Variants in TCTN1 observed in about 807,000 individuals in gnomAD.
TCTN1 encodes the protein tectonic-1.
A neutral mutation model predicts 65.8 loss-of-function variants in TCTN1; 58 were observed. The ratio of observed to expected loss-of-function variants is 0.88; its 90% CI spans 0.71 to 1.10. TCTN1 has a LOEUF of 1.10. TCTN1 is among the 50% of genes least tolerant of loss of function. TCTN1 has a pLI of 0.00. For missense variants in TCTN1, 645 were observed against 719.4 expected (o/e 0.90, Z 1.18); for synonymous variants, 273 against 289.1 (o/e 0.94, Z 0.57).
At chr12:110,628,270 C>A in intron 3 of TCTN1, 1 of 1,528,258 alleles carries the variant, frequency 6.5e-7, no homozygotes, top group Non-Finnish European at 8.8e-7. Context: ...AAGAAGCAGG[C>A]TGAGTCTGGA....
chr12:110,618,407 G>A (rs1371207215), intron 1 of TCTN1, among the ~76,000 whole-genome samples: 3 of 152,024 alleles, frequency 2.0e-5, no homozygotes, highest in Non-Finnish European at 2.9e-5. Context: ...CACCCAGCTA[G>A]TTTTTATATT....
chr12:110,616,494 C>T (rs1326261446), intron 1 of TCTN1: 2 of 235,266 alleles, frequency 8.5e-6, no homozygotes, highest in Non-Finnish European at 1.8e-5. Flanking sequence ...TGATTGCCCA[C>T]CTAGGCCTCC....
In TCTN1 at chr12:110,647,194, A is replaced by G. The variant is rs1475200635; in HGVS notation, c.1495-2A>G. On this transcript the variant is annotated splice_acceptor_variant, in intron 12 of 14. Coordinates refer to ENST00000397659, the MANE Select transcript of TCTN1 (RefSeq NM_001082538.3). LOFTEE classifies it high-confidence loss of function. The stretch of plus-strand genomic sequence containing the variant: ...TTTTGTAAGATTCTAATGGATTAAC[A>G]GCATTTTGTTTTGCAGGATTCCTGC... 8 of 1,614,086 alleles carry G rather than the reference A, an allele frequency of 5.0e-6. No individual in the cohort carries two copies. In the African/African-American group the frequency reaches 6.7e-5, roughly 13 times the overall value.
At chr12:110,629,444 A>T (rs1272405309) in intron 4 of TCTN1, 1 of 152,958 alleles carries the variant, frequency 6.5e-6, no homozygotes, top group African/African-American at 2.4e-5. Flanking sequence ...ATATGAATAG[A>T]CACTTTTCAA....
At chr12:110,625,969 G>A in intron 2 of TCTN1, 1 of 173,356 alleles carries the variant, frequency 5.8e-6, no homozygotes, top group Non-Finnish European at 1.2e-5. Flanking sequence ...GGCCAGGCTG[G>A]TCCCCATCTC....
intron 1 of TCTN1, among the ~76,000 whole-genome samples, chr12:110,618,309 C>T (rs780259501): frequency 6.6e-6 from 1 of 151,908 alleles, no homozygotes; most frequent in Non-Finnish European, 1.5e-5. Context: ...GACGCGATCT[C>T]GGCTCACTGC....
chr12:110,619,887 G>T lies in TCTN1; in HGVS notation c.272G>T (p.Cys91Phe). The change falls in exon 2 of 15, where the codon TGC (cysteine) becomes TTC (phenylalanine). Residue 91 changes from cysteine to phenylalanine, a missense_variant. Cys to Phe is a radical substitution (Grantham distance 205). Coordinates refer to ENST00000397659, the MANE Select transcript of TCTN1 (RefSeq NM_001082538.3). The stretch of plus-strand genomic sequence containing the variant: ...TCCCCAGCACAGTGTGACATCAACT[G>T]CTGCTGTGATCCCGACTGCAGCTCC... The part of the protein sequence containing the change: ...DLSPAQCDIN[C>F]CCDPDCSSVD... The T allele has an allele frequency of 6.2e-7, 1 of 1,614,114 alleles. No homozygotes were observed. The highest frequency in any genetic ancestry group is 8.5e-7 in the Non-Finnish European group (1 of 1,180,032).
chr12:110,644,831 A>C lies in TCTN1; in HGVS notation c.1332-136A>C. 2.6e-6 allele frequency: 3 copies of C among 1,137,778 alleles called. No individual in the cohort carries two copies. The highest frequency in any genetic ancestry group is 1.5e-5 in the African/African-American group (1 of 65,832). 70.5% of individuals were successfully genotyped at this position (1,137,778 alleles called of 1,614,324 possible). A position where few individuals can be genotyped will look rare whatever the true frequency, so the allele number is the denominator to read the frequency against. ...CAGGGAGCTATGATGGTGCCACTGCACTCCAGCTTGGGCATCAGAGTGAGA... is the reference window on the plus strand; with the variant it reads ...CAGGGAGCTATGATGGTGCCACTGCCCTCCAGCTTGGGCATCAGAGTGAGA... On this transcript the variant is annotated intron_variant, in intron 11 of 14. Transcript: ENST00000397659. This position sits in a 1 kb window ranked among gnomAD's most constrained non-coding sequence, Gnocchi z 4.6.
rs1194129577 is a variant in TCTN1 at position 110,614,338 on chromosome 12, G to T, written c.156G>T (p.Arg52Ser). 5.0e-6 allele frequency: 8 copies of T among 1,606,512 alleles called. No homozygotes were observed. The highest frequency in any genetic ancestry group is 2.2e-5 in the East Asian group (1 of 44,692). The change falls in exon 1 of 15, where the codon AGG (arginine) becomes AGT (serine). Residue 52 changes from arginine (R) to serine (S), a missense_variant. Arg to Ser is a moderately radical substitution (Grantham distance 110). Transcript: ENST00000397659. ...CCTTCGGAACTTTCCCGTCGACCAG[G>T]CCCCCCGGGACTCCCAGGGCTCCAG... ...LATFGTFPST[R>S]PPGTPRAPGP...
chr12:110,632,715 A>G, intron 5 of TCTN1, 156 bp downstream of exon 5: 1 of 720,206 alleles, frequency 1.4e-6, no homozygotes, highest in Non-Finnish European at 2.4e-6. Flanking sequence ...TCATCATTAA[A>G]CAGGCCTCGT....
At position 110,636,344 on chromosome 12, in the gene TCTN1, TC is replaced by T. The variant is rs749397257; in HGVS notation, c.823-136del. 4.9e-5 allele frequency: 31 copies of T among 632,768 alleles called. 1 individual carries two copies. In the Admixed American group the frequency reaches 7.7e-4, roughly 16 times the overall value. The allele number at this position is 632,768 out of a possible 1,614,324, so 39.2% of individuals were successfully genotyped here. ...AACACATGCAGATGGGGAGTCTTGA[TC>T]AAGGAAATTCTGTTTTCTTCTTTGT... On this transcript the variant is annotated intron_variant, in intron 6 of 14. Coordinates refer to ENST00000397659, the MANE Select transcript of TCTN1 (RefSeq NM_001082538.3).
chr12:110,614,572 C>A, intron 1 of TCTN1, 170 bp downstream of exon 1: 1 of 1,332,886 alleles, frequency 7.5e-7, no homozygotes, highest in Non-Finnish European at 1.0e-6. Context: ...TGAGAAGTAG[C>A]TGTTACTATC....
rs939400652 is a variant in TCTN1 at position 110,639,413 on chromosome 12, A to G, written c.844-970A>G. On this transcript the variant is annotated intron_variant, in intron 7 of 14. Transcript: ENST00000397659. The surrounding 1 kb of genome is among the most constrained non-coding windows in gnomAD (Gnocchi z 4.9). ...TGTCTGTGTCTGTTTTTTGTTGCTC[A>G]TAATCCTACCACCCAGAGAAACCAC... Among the ~76,000 whole-genome samples, 1 of 152,042 alleles carries G rather than the reference A, an allele frequency of 6.6e-6. No homozygotes were observed. The highest frequency in any genetic ancestry group is 1.5e-5 in the Non-Finnish European group (1 of 68,012).
chr12:110,614,352 C>G lies in TCTN1; in HGVS notation c.170C>G (p.Pro57Arg). The G allele has an allele frequency of 6.2e-7, 1 of 1,606,616 alleles. No individual in the cohort carries two copies. Among genetic ancestry groups the G allele is most frequent in the Non-Finnish European group, 8.5e-7 (1 of 1,177,310 alleles). ...CCGTCGACCAGGCCCCCCGGGACTC[C>G]CAGGGCTCCAGGGCCCTCCTCCGGC... ...TFPSTRPPGT[P>R]RAPGPSSGPR... The change falls in exon 1 of 15, where the codon CCC (proline) becomes CGC (arginine). Residue 57 changes from proline (P) to arginine (R), a missense_variant. Coordinates refer to ENST00000397659, the MANE Select transcript of TCTN1 (RefSeq NM_001082538.3).
At position 110,629,055 on chromosome 12, in the gene TCTN1, C is replaced by T. The variant is rs762296844; in HGVS notation, c.624+137C>T. The T allele has an allele frequency of 1.1e-5, 10 of 914,404 alleles. No homozygotes were observed. The South Asian group carries it at 1.3e-4, about 12-fold the overall frequency. The allele number at this position is 914,404 out of a possible 1,614,324, so 56.6% of individuals were successfully genotyped here. A position where few individuals can be genotyped will look rare whatever the true frequency, so the allele number is the denominator to read the frequency against. ...TAGACTAAAAAACTTAATGTTCATGCCTACAAATCAAAGATCATGAAAATT... is the reference window on the plus strand; with the variant it reads ...TAGACTAAAAAACTTAATGTTCATGTCTACAAATCAAAGATCATGAAAATT... On this transcript the variant is annotated intron_variant, in intron 4 of 14. Coordinates refer to ENST00000397659, the MANE Select transcript of TCTN1 (RefSeq NM_001082538.3).
chr12:110,647,372 C>T (rs1290769440), intron 13 of TCTN1, 36 bp downstream of exon 13: 1 of 1,613,192 alleles, frequency 6.2e-7, no homozygotes, highest in Non-Finnish European at 8.5e-7. Context: ...TAGGTTAAGA[C>T]AGAAGTCTAG....
intron 2 of TCTN1, among the ~76,000 whole-genome samples, chr12:110,621,520 T>A (rs1037359276): frequency 2.0e-5 from 3 of 151,800 alleles, no homozygotes; most frequent in Middle Eastern, 3.2e-3. Flanking sequence ...TTGCCCAGGC[T>A]GGAGTGCAGT....
Position 110,647,213 on chromosome 12 carries a change from T to G in TCTN1, c.1512T>G (p.Asp504Glu), listed in dbSNP as rs756256786. The G allele has an allele frequency of 1.9e-6, 3 of 1,614,236 alleles. No individual in the cohort carries two copies. The highest frequency in any genetic ancestry group is 2.5e-6 in the Non-Finnish European group (3 of 1,180,040). Residue 504 changes from aspartate to glutamate, a missense_variant, in exon 13 of 15, where the codon GAT becomes GAG. By Grantham distance (45) the Asp-to-Glu change is conservative. Transcript: ENST00000397659. ...SFNRKHFVLQDSCQLPGALVI... is the reference protein window; with the variant it reads ...SFNRKHFVLQESCQLPGALVI... The stretch of plus-strand genomic sequence containing the variant: ...ATTAACAGCATTTTGTTTTGCAGGA[T>G]TCCTGCCAGCTCCCAGGGGCTTTGG...
Position 110,641,559 on chromosome 12 carries a change from C to T in TCTN1, c.1122C>T (p.Val374=). Residue 374 remains valine, a synonymous_variant, in exon 10 of 15, where the codon GTC becomes GTT. Transcript: ENST00000397659. ...TCTTTCAGGAAAATACCCAGCCAGT[C>T]CCTCTCAGTGGAAACCCTGGTTATG... The part of the protein sequence containing the change: ...IHFLQENTQP[V]PLSGNPGYVV... 1 of 1,614,200 alleles carries T rather than the reference C, an allele frequency of 6.2e-7. No individual in the cohort carries two copies. Among genetic ancestry groups the T allele is most frequent in the Non-Finnish European group, 8.5e-7 (1 of 1,180,030 alleles).
Sources: allele counts gnomAD v4.1 joint callset (sites outside exome capture counted in the v4.1 genomes callset), GRCh38; gene constraint gnomAD v4.1.1; non-coding constraint Gnocchi (gnomAD v3.1); transcripts MANE v1.5; gene names NCBI Gene and HGNC (gene_info 2026-07-23, HGNC 2026-07-21).